Variants in PTPRG observed in about 807,000 individuals in gnomAD.
The protein encoded by PTPRG is receptor-type tyrosine-protein phosphatase gamma.
A neutral mutation model predicts 165.3 loss-of-function variants in PTPRG; 102 were observed. The ratio of observed to expected loss-of-function variants is 0.62; its 90% CI spans 0.53 to 0.73. The LOEUF (loss-of-function observed/expected upper bound fraction) is 0.73, where lower values mean the gene tolerates loss of function less well. Ranked by LOEUF, PTPRG falls within the 30% of genes least tolerant of loss-of-function variation. The probability of loss-of-function intolerance (pLI) is 0.00; values close to 1 mark genes in which losing one functional copy is unlikely to be tolerated. For synonymous variants in PTPRG, 675 were observed against 669.5 expected (o/e 1.01, Z -0.13); for missense variants, 1,866 against 1,861.4 (o/e 1.00, Z -0.05).
chr3:61,823,766 G>A (rs1483432797), intron 2 of PTPRG, among the ~76,000 whole-genome samples: 2 of 152,114 alleles, frequency 1.3e-5, no homozygotes, highest in African/African-American at 4.8e-5. Flanking sequence ...GTAGGACAAC[G>A]GAGAAATGCC....
At chr3:61,596,772 C>T (rs1302065690) in intron 1 of PTPRG, among the ~76,000 whole-genome samples, 1 of 143,818 alleles carries the variant, frequency 7.0e-6, no homozygotes, top group Admixed American at 6.8e-5. Context: ...TTTAGAGTCT[C>T]AATTAGTTTA....
intron 2 of PTPRG, among the ~76,000 whole-genome samples, chr3:61,779,179 G>GC (rs2034473131): frequency 2.0e-5 from 3 of 152,134 alleles, no homozygotes; most frequent in Non-Finnish European, 4.4e-5. Flanking sequence ...ACCTCATTTT[G>GC]GCCATAGATT....
intron 2 of PTPRG, among the ~76,000 whole-genome samples, chr3:61,774,749 G>GGT (rs2034316522): frequency 6.6e-6 from 1 of 152,108 alleles, no homozygotes; most frequent in Non-Finnish European, 1.5e-5. Context: ...CTTGCCTACC[G>GGT]GTGTCTCTGC....
At chr3:61,880,308 A>G (rs959258695) in intron 2 of PTPRG, among the ~76,000 whole-genome samples, 19 of 152,204 alleles carry the variant, frequency 1.2e-4, no homozygotes, top group African/African-American at 4.6e-4. Context: ...TGTATTTTAG[A>G]ATACATTTAG....
chr3:61,821,013 G>T (rs2035938511), intron 2 of PTPRG, among the ~76,000 whole-genome samples: 1 of 151,720 alleles, frequency 6.6e-6, no homozygotes, highest in Admixed American at 6.6e-5. Flanking sequence ...GTTTCTTTTG[G>T]ACTTTGTCTA....
intron 2 of PTPRG, among the ~76,000 whole-genome samples, chr3:61,856,908 C>T (rs1371429889): frequency 6.6e-6 from 1 of 152,140 alleles, no homozygotes; most frequent in African/African-American, 2.4e-5. Flanking sequence ...GTCACATAAG[C>T]AGTACTGCTA....
At chr3:61,967,723 G>A (rs900942528) in intron 2 of PTPRG, among the ~76,000 whole-genome samples, 5 of 152,120 alleles carry the variant, frequency 3.3e-5, no homozygotes, top group Non-Finnish European at 5.9e-5. Context: ...TTGAACAAAG[G>A]CTTTCCTTGT....
chr3:62,253,423 G>T (rs891284979), intron 15 of PTPRG, among the ~76,000 whole-genome samples: 1 of 152,124 alleles, frequency 6.6e-6, no homozygotes, highest in East Asian at 1.9e-4. Flanking sequence ...GAGTGATTCT[G>T]TGGTTAGGTT....
intron 1 of PTPRG, among the ~76,000 whole-genome samples, chr3:61,718,229 A>C (rs1001916083): frequency 2.0e-5 from 3 of 151,198 alleles, no homozygotes; most frequent in Non-Finnish European, 3.0e-5. Flanking sequence ...AAAAAAAAAA[A>C]CGCAGACTCA....
At chr3:61,764,885 A>T (rs2033965711) in intron 2 of PTPRG, among the ~76,000 whole-genome samples, 1 of 152,116 alleles carries the variant, frequency 6.6e-6, no homozygotes, top group Non-Finnish European at 1.5e-5. Flanking sequence ...TGACAATTGG[A>T]GATGGTTGGG....
intron 1 of PTPRG, among the ~76,000 whole-genome samples, chr3:61,615,035 A>G (rs547523174): frequency 1.7e-4 from 26 of 152,242 alleles, no homozygotes; most frequent in Non-Finnish European, 3.4e-4. Flanking sequence ...TTGTAACAAC[A>G]TAAAAGAACT....
intron 1 of PTPRG, among the ~76,000 whole-genome samples, chr3:61,663,606 G>A (rs371212897): frequency 1.4e-4 from 21 of 152,050 alleles, no homozygotes; most frequent in African/African-American, 4.6e-4. Context: ...TTTATTATGC[G>A]CTATATTTCT....
intron 2 of PTPRG, among the ~76,000 whole-genome samples, chr3:61,792,141 G>A (rs1030005007): frequency 6.6e-6 from 1 of 151,856 alleles, no homozygotes; most frequent in African/African-American, 2.4e-5. Flanking sequence ...TTGGTGTAGT[G>A]TCACCAAAGG....
intron 2 of PTPRG, among the ~76,000 whole-genome samples, chr3:61,951,278 A>G (rs888379635): frequency 5.9e-5 from 9 of 152,200 alleles, no homozygotes; most frequent in Non-Finnish European, 1.2e-4. Flanking sequence ...TGCTGAAACT[A>G]TTTAGAAAGT....
chr3:62,029,544 T>C (rs747457039), intron 4 of PTPRG, among the ~76,000 whole-genome samples: 2 of 152,220 alleles, frequency 1.3e-5, no homozygotes, highest in African/African-American at 2.4e-5. Flanking sequence ...TATTTATTAA[T>C]TTATCCATCT....
At chr3:62,192,379 T>A (rs1699852585) in intron 9 of PTPRG, among the ~76,000 whole-genome samples, 1 of 135,762 alleles carries the variant, frequency 7.4e-6, no homozygotes, top group Admixed American at 7.6e-5. Flanking sequence ...TAAAGCAAAC[T>A]CCACAACTAC....
intron 6 of PTPRG, among the ~76,000 whole-genome samples, chr3:62,141,640 C>T (rs534545421): frequency 1.7e-3 from 259 of 151,898 alleles, no homozygotes; most frequent in Non-Finnish European, 3.0e-3. Context: ...TGGCTCACGC[C>T]TGTAACCCCA....
At chr3:62,253,832 T>C (rs779066649) in intron 15 of PTPRG, among the ~76,000 whole-genome samples, 6 of 152,228 alleles carry the variant, frequency 3.9e-5, no homozygotes, top group Non-Finnish European at 8.8e-5. Context: ...AGGACTTTAA[T>C]TGTTCACACA....
chr3:61,672,128 C>A (rs943062284), intron 1 of PTPRG, among the ~76,000 whole-genome samples: 1 of 148,988 alleles, frequency 6.7e-6, no homozygotes, highest in Non-Finnish European at 1.5e-5. Context: ...GATGGGCGGC[C>A]GGGCAGAGAT....
Sources: gnomAD v4.1 joint callset for allele counts (sites outside exome capture counted in the v4.1 genomes callset) on GRCh38, gnomAD v4.1.1 for gene constraint, MANE v1.5 for transcripts, NCBI Gene and HGNC (gene_info 2026-07-23, HGNC 2026-07-21) for gene names.